The following TTC21B variants were observed in gnomAD, a reference collection of about 807,000 sequenced individuals.
TTC21B encodes the protein tetratricopeptide repeat protein 21B.
TTC21B carries 127 observed loss-of-function variants against 175.1 expected under a neutral mutation model. That is an observed-to-expected ratio of 0.73 (90% CI 0.63 to 0.84). TTC21B has a LOEUF of 0.84. Ranked by LOEUF, TTC21B falls within the 40% of genes least tolerant of loss-of-function variation. TTC21B has a pLI of 0.00. For synonymous variants in TTC21B, 524 were observed against 524.5 expected (o/e 1.00, Z 0.01); for missense variants, 1,561 against 1,558.3 (o/e 1.00, Z -0.03).
At position 165,888,475 on chromosome 2, in the gene TTC21B, C is replaced by T; in HGVS notation, c.3264-1G>A. 4 of 1,607,542 alleles carry T rather than the reference C, an allele frequency of 2.5e-6. No homozygotes were observed. Among genetic ancestry groups the T allele is most frequent in the Non-Finnish European group, 2.6e-6 (3 of 1,174,816 alleles). The stretch of plus-strand genomic sequence containing the variant: ...AGATTCTTGCTTCTCAGTTGAATTA[C>T]TGTATATAATTAAAAATAAATCACT... On this transcript the variant is annotated splice_acceptor_variant, in intron 24 of 28. Coordinates refer to ENST00000243344, the MANE Select transcript of TTC21B (RefSeq NM_024753.5). LOFTEE classifies it high-confidence loss of function.
At chr2:165,928,440 G>GC (rs1007422409) in intron 11 of TTC21B, among the ~76,000 whole-genome samples, 1 of 152,066 alleles carries the variant, frequency 6.6e-6, no homozygotes, top group African/African-American at 2.4e-5. Flanking sequence ...TCTAGTTCTT[G>GC]CAGGTCAAAT....
intron 4 of TTC21B, among the ~76,000 whole-genome samples, chr2:165,945,317 T>C (rs900158116): frequency 1.3e-5 from 2 of 152,150 alleles, no homozygotes; most frequent in African/African-American, 4.8e-5. Flanking sequence ...GAAGACTCAG[T>C]AGCATAAAAC....
At chr2:165,876,861 T>C (rs548751783) in intron 27 of TTC21B, among the ~76,000 whole-genome samples, 2 of 152,254 alleles carry the variant, frequency 1.3e-5, no homozygotes, top group African/African-American at 4.8e-5. Flanking sequence ...GGAAACTGCA[T>C]GGATTAAGGC....
Position 165,876,195 on chromosome 2 carries a change from T to G in TTC21B, c.3843A>C (p.Arg1281Ser), listed in dbSNP as rs762689241. 6.2e-7 allele frequency: 1 copy of G among 1,603,220 alleles called. No individual in the cohort carries two copies. Among genetic ancestry groups the G allele is most frequent in the East Asian group, 2.2e-5 (1 of 44,708 alleles). ...KLAFNYLKAK[R>S]YVDSIDICHQ... ...GACATATGTCAATTGAATCCACATATCTTTTTGCTTTTAAGTAATTAAATG... is the reference window on the plus strand; with the variant it reads ...GACATATGTCAATTGAATCCACATAGCTTTTTGCTTTTAAGTAATTAAATG... Residue 1281 changes from arginine to serine, a missense_variant, in exon 28 of 29, where the codon AGA becomes AGC. Arg to Ser is a moderately radical substitution (Grantham distance 110, BLOSUM62 -1). Transcript: ENST00000243344.
intron 6 of TTC21B, among the ~76,000 whole-genome samples, chr2:165,936,729 T>A (rs548702845): frequency 3.3e-5 from 5 of 152,014 alleles, no homozygotes; most frequent in South Asian, 2.1e-4. Context: ...CAAATTAAAA[T>A]TAAAATAACA....
Position 165,874,680 on chromosome 2 carries a change from T to A in TTC21B, c.*75A>T, listed in dbSNP as rs1684608115. On this transcript the variant is annotated 3_prime_UTR_variant, in exon 29 of 29. Coordinates refer to ENST00000243344, the MANE Select transcript of TTC21B (RefSeq NM_024753.5). ...AATAACAAAGCACTGAGCTCAAACCTGTTTTGAACAGGAAGAACTGAAAGT... is the reference window on the plus strand; with the variant it reads ...AATAACAAAGCACTGAGCTCAAACCAGTTTTGAACAGGAAGAACTGAAAGT... The A allele has an allele frequency of 4.3e-6, 6 of 1,385,176 alleles. No individual in the cohort carries two copies. The highest frequency in any genetic ancestry group is 6.2e-6 in the Non-Finnish European group (6 of 974,076). 85.8% of individuals were successfully genotyped at this position (1,385,176 alleles called of 1,614,324 possible).
At chr2:165,914,699 T>TGTGTGTGTGTGTGTGTGTGTGTG (rs1559056094) in intron 15 of TTC21B, among the ~76,000 whole-genome samples, 1 of 12,232 alleles carries the variant, frequency 8.2e-5, no homozygotes, top group East Asian at 5.1e-3. Flanking sequence ...GTGTGTGTGT[T>TGTGTGTGTGTGTGTGTGTGTGTG]GTGTATCCCA....
At chr2:165,919,592 T>A (rs1686311858) in intron 12 of TTC21B, among the ~76,000 whole-genome samples, 159 bp from the exon 13 acceptor site, 1 of 152,184 alleles carries the variant, frequency 6.6e-6, no homozygotes, top group Admixed American at 6.5e-5. Flanking sequence ...TCTGCACTAG[T>A]TAGCTTCCTT....
chr2:165,891,384 T>C (rs1170846295), intron 22 of TTC21B, among the ~76,000 whole-genome samples: 2 of 152,136 alleles, frequency 1.3e-5, no homozygotes, highest in African/African-American at 2.4e-5. Flanking sequence ...CTCTCCTACA[T>C]ACTGTTGCTA....
intron 19 of TTC21B, among the ~76,000 whole-genome samples, chr2:165,905,424 G>A (rs1685693836): frequency 6.6e-6 from 1 of 151,890 alleles, no homozygotes. Flanking sequence ...TTAAACATAA[G>A]GACACGTAAA....
At chr2:165,927,875 A>G (rs1483371050) in intron 11 of TTC21B, among the ~76,000 whole-genome samples, 1 of 152,240 alleles carries the variant, frequency 6.6e-6, no homozygotes, top group East Asian at 1.9e-4. Context: ...TAACACAGTT[A>G]CTGAAGCTAT....
At chr2:165,928,097 T>C (rs554885288) in intron 11 of TTC21B, among the ~76,000 whole-genome samples, 78 of 152,330 alleles carry the variant, frequency 5.1e-4, no homozygotes, top group African/African-American at 1.9e-3. Flanking sequence ...TCTTCAATTA[T>C]ACTCAAAACT....
At chr2:165,908,770 C>T (rs1035130495) in intron 18 of TTC21B, among the ~76,000 whole-genome samples, 1 of 152,000 alleles carries the variant, frequency 6.6e-6, no homozygotes, top group Non-Finnish European at 1.5e-5. Flanking sequence ...ATATAATATA[C>T]CCATTGTAAC....
intron 1 of TTC21B, among the ~76,000 whole-genome samples, chr2:165,950,070 TAA>T (rs769740344): frequency 6.2e-5 from 8 of 128,862 alleles, no homozygotes; most frequent in Admixed American, 7.8e-5. Context: ...AAACAGGAAC[TAA>T]AAAAAAAAAA....
intron 20 of TTC21B, 105 bp downstream of exon 20, chr2:165,901,617 C>A: frequency 8.7e-7 from 1 of 1,145,134 alleles, no homozygotes; most frequent in Non-Finnish European, 1.3e-6. Context: ...GCCACTGCAC[C>A]CTGCCTACAT....
intron 27 of TTC21B, chr2:165,879,612 T>C (rs1684777373): frequency 1.3e-5 from 2 of 152,130 alleles, no homozygotes; most frequent in African/African-American, 4.8e-5. Flanking sequence ...AAGAAAAAAA[T>C]AGCTTAATTA....
At chr2:165,887,419 A>T (rs540398560) in intron 25 of TTC21B, among the ~76,000 whole-genome samples, 6 of 147,906 alleles carry the variant, frequency 4.1e-5, no homozygotes, top group Non-Finnish European at 7.5e-5. Flanking sequence ...GAAGGAAAAC[A>T]GTATCTAGAG....
rs945501226 is a variant in TTC21B, at chr2:165,915,406, G to A, written c.1933C>T (p.His645Tyr). Residue 645 changes from histidine (H) to tyrosine (Y), a missense_variant, in exon 15 of 29, where the codon CAT becomes TAT. Physicochemically the swap from His to Tyr is moderately conservative, Grantham distance 83. Transcript: ENST00000243344. ...EATKVLQDAI[H>Y]EFSGTSEEVR... ...TCTTCAGATGTTCCAGAAAATTCAT[G>A]GATGGCATCTTGTAAAACTTTGGTT... The A allele has an allele frequency of 2.5e-6, 4 of 1,614,074 alleles. No homozygotes were observed. The highest frequency in any genetic ancestry group is 1.7e-4 in the Middle Eastern group (1 of 6,058).
intron 11 of TTC21B, chr2:165,928,626 G>A (rs537056363): frequency 7.0e-4 from 108 of 154,986 alleles, no homozygotes; most frequent in South Asian, 1.2e-3. Flanking sequence ...TTTAATGAAT[G>A]AGGAATGATC....
Sources: gnomAD v4.1 joint callset for allele counts (sites outside exome capture counted in the v4.1 genomes callset) on GRCh38, gnomAD v4.1.1 for gene constraint, MANE v1.5 for transcripts, NCBI Gene and HGNC (gene_info 2026-07-23, HGNC 2026-07-21) for gene names.